Variants in TTLL9 observed in about 807,000 individuals in gnomAD.
TTLL9 encodes tubulin tyrosine ligase like 9.
TTLL9 carries 47 observed loss-of-function variants against 65.6 expected under a neutral mutation model. That is an observed-to-expected ratio of 0.72 (90% CI 0.57 to 0.91). The LOEUF is 0.91. Ranked by LOEUF, TTLL9 falls within the 40% of genes least tolerant of loss-of-function variation. TTLL9 has a pLI of 0.00. For missense variants in TTLL9, 537 were observed against 568.8 expected (o/e 0.94, Z 0.57); for synonymous variants, 179 against 204.8 (o/e 0.87, Z 1.07).
intron 9 of TTLL9, among the ~76,000 whole-genome samples, 183 bp downstream of exon 9, chr20:31,925,232 A>G (rs1220931969): frequency 6.6e-6 from 1 of 152,144 alleles, no homozygotes; most frequent in Non-Finnish European, 1.5e-5. Context: ...GAGGTTTACC[A>G]TCTTAGATGC....
At chr20:31,914,204 T>C (rs1233611514) in intron 6 of TTLL9, among the ~76,000 whole-genome samples, 2 of 152,236 alleles carry the variant, frequency 1.3e-5, no homozygotes, top group East Asian at 3.8e-4. Flanking sequence ...ACTGAGACTT[T>C]CTAAGAGTCG....
At chr20:31,941,761 A>C (rs986656257) in intron 14 of TTLL9, among the ~76,000 whole-genome samples, 4 of 152,078 alleles carry the variant, frequency 2.6e-5, no homozygotes, top group African/African-American at 9.7e-5. Context: ...TTTCCTGTAG[A>C]GACAAAATCT....
intron 9 of TTLL9, 112 bp downstream of exon 9, chr20:31,925,161 C>T: frequency 8.4e-7 from 1 of 1,184,774 alleles, no homozygotes; most frequent in Non-Finnish European, 1.2e-6. Flanking sequence ...CTGGTTTTAT[C>T]TCTCCCTGGG....
At chr20:31,913,250 C>T (rs2063683686) in intron 6 of TTLL9, among the ~76,000 whole-genome samples, 1 of 152,176 alleles carries the variant, frequency 6.6e-6, no homozygotes, top group Non-Finnish European at 1.5e-5. Context: ...GGCACCATAG[C>T]CTAATCAAGT....
intron 3 of TTLL9, among the ~76,000 whole-genome samples, chr20:31,887,905 T>TCTCTTCTCTTCTCTTCTCTTCTCTTCTC (rs1568747311): frequency 2.6e-5 from 4 of 151,170 alleles, no homozygotes; most frequent in Non-Finnish European, 4.4e-5. Context: ...TCTCTTCTCT[T>TCTCTTCTCTTCTCTTCTCTTCTCTTCTC]TTGAGTTTCA....
At chr20:31,941,361 G>A (rs1209661489) in intron 14 of TTLL9, 2 of 152,106 alleles carry the variant, frequency 1.3e-5, no homozygotes, top group Admixed American at 6.5e-5. Flanking sequence ...ATATCAATGC[G>A]CTACTTCCTG....
chr20:31,929,427 T>C (rs752896890), intron 10 of TTLL9, among the ~76,000 whole-genome samples: 1 of 152,206 alleles, frequency 6.6e-6, no homozygotes, highest in Non-Finnish European at 1.5e-5. Context: ...AAACCTTCTC[T>C]AGGCATATTT....
At position 31,879,378 on chromosome 20, in the gene TTLL9, G is replaced by C. The variant is rs1210819258; in HGVS notation, c.70-7818G>C. On this transcript the variant is annotated intron_variant, in intron 2 of 14. Coordinates refer to ENST00000535842, the MANE Select transcript of TTLL9 (RefSeq NM_001008409.5). ...TCACTGTAATCACTAAAAGGAAAAA[G>C]ATGGACAACATCTAATGTTGGTGAG... Among the ~76,000 whole-genome samples, 4 of 152,182 alleles carry C rather than the reference G, an allele frequency of 2.6e-5. No individual in the cohort carries two copies. In the East Asian group the frequency reaches 5.8e-4, roughly 22 times the overall value.
chr20:31,873,726 GA>G (rs1272391812), intron 2 of TTLL9, among the ~76,000 whole-genome samples: 1 of 113,038 alleles, frequency 8.8e-6, no homozygotes, highest in Non-Finnish European at 1.9e-5. Context: ...AAGAAAGAAA[GA>G]AAGAAAGAAA....
intron 2 of TTLL9, chr20:31,884,063 C>G: frequency 1.8e-6 from 1 of 551,998 alleles, no homozygotes; most frequent in Non-Finnish European, 3.3e-6. Flanking sequence ...GATTTACAAA[C>G]TACCAGAACT....
intron 3 of TTLL9, among the ~76,000 whole-genome samples, chr20:31,888,793 G>A (rs1005226464): frequency 6.6e-6 from 1 of 152,032 alleles, no homozygotes; most frequent in African/African-American, 2.4e-5. Flanking sequence ...CATGTCACAC[G>A]GCAAGAGTGG....
chr20:31,901,356 A>G (rs565810634), intron 4 of TTLL9: 2 of 152,230 alleles, frequency 1.3e-5, no homozygotes, highest in African/African-American at 2.4e-5. Flanking sequence ...ATTTTCTCCA[A>G]TGTGGGAAAC....
In TTLL9 at chr20:31,943,548, AT is replaced by A; in HGVS notation, c.*529del. On this transcript the variant is annotated 3_prime_UTR_variant, in exon 15 of 15. Coordinates refer to ENST00000535842, the MANE Select transcript of TTLL9 (RefSeq NM_001008409.5). Reference sequence around the variant, plus strand: ...CAAGCAGTTATTAGATTGTGTGTTTATTGGGGGCCTGGGGAAGTACTGAGCC... The same window carrying A: ...CAAGCAGTTATTAGATTGTGTGTTTATGGGGGCCTGGGGAAGTACTGAGCC... 1 of 343,898 alleles carries A rather than the reference AT, an allele frequency of 2.9e-6. No individual in the cohort carries two copies. Among genetic ancestry groups the A allele is most frequent in the South Asian group, 2.3e-5 (1 of 44,150 alleles). The allele number at this position is 343,898 out of a possible 1,614,324, so 21.3% of individuals were successfully genotyped here.
chr20:31,894,700 T>C (rs536465735), intron 3 of TTLL9, among the ~76,000 whole-genome samples: 1 of 149,006 alleles, frequency 6.7e-6, no homozygotes, highest in Non-Finnish European at 1.5e-5. Flanking sequence ...ACACACACTT[T>C]ATATATATAT....
intron 10 of TTLL9, among the ~76,000 whole-genome samples, chr20:31,931,286 C>G (rs1269092776): frequency 2.0e-5 from 3 of 151,858 alleles, no homozygotes; most frequent in Admixed American, 6.6e-5. Context: ...ACTATGTTGC[C>G]CAGGCTGGTC....
intron 5 of TTLL9, among the ~76,000 whole-genome samples, chr20:31,909,285 A>G (rs1016490045): frequency 2.6e-5 from 4 of 151,822 alleles, no homozygotes; most frequent in Admixed American, 6.6e-5. Flanking sequence ...CTGAGATTAC[A>G]GGTGCTCACC....
In TTLL9 at chr20:31,901,835, G is replaced by A. The variant is rs377599595; in HGVS notation, c.206+3270G>A. 1.4e-3 allele frequency among the ~76,000 whole-genome samples: 214 copies of A among 152,222 alleles called. 1 individual carries two copies. Among genetic ancestry groups the A allele is most frequent in the Middle Eastern group, 6.8e-3 (2 of 294 alleles). ...CGCCTCATGGCCTCTACTGGATCAC[G>A]TGGCGGCTCACTTCACAATTCTTTA... is the stretch of plus-strand genomic sequence containing the variant. On this transcript the variant is annotated intron_variant, in intron 4 of 14. Transcript: ENST00000535842.
intron 6 of TTLL9, 63 bp downstream of exon 6, chr20:31,909,985 C>A: frequency 6.7e-7 from 1 of 1,501,316 alleles, no homozygotes; most frequent in Non-Finnish European, 9.2e-7. Context: ...TAGCAGGGAT[C>A]AGGTGCAGAC....
At position 31,943,489 on chromosome 20, in the gene TTLL9, C is replaced by CT; in HGVS notation, c.*469dup. On this transcript the variant is annotated 3_prime_UTR_variant, in exon 15 of 15. Coordinates refer to ENST00000535842, the MANE Select transcript of TTLL9 (RefSeq NM_001008409.5). Reference sequence around the variant, plus strand: ...TCCTTCAGGAGCAAGAGTTTGGAGGCTAAGGAACTCGTCTTTAAGCTGTGC... The same window carrying CT: ...TCCTTCAGGAGCAAGAGTTTGGAGGCTTAAGGAACTCGTCTTTAAGCTGTGC... 3.1e-6 allele frequency: 1 copy of CT among 324,530 alleles called. No homozygotes were observed. Among genetic ancestry groups the CT allele is most frequent in the South Asian group, 2.6e-5 (1 of 37,820 alleles). 20.1% of individuals were successfully genotyped at this position (324,530 alleles called of 1,614,324 possible).
Sources: allele counts gnomAD v4.1 joint callset (sites outside exome capture counted in the v4.1 genomes callset), GRCh38; gene constraint gnomAD v4.1.1; transcripts MANE v1.5; gene names NCBI Gene and HGNC (gene_info 2026-07-23, HGNC 2026-07-21).